The following SPOCK1 variants were observed in gnomAD, a reference collection of about 807,000 sequenced individuals.
SPOCK1 encodes SPARC (osteonectin), cwcv and kazal like domains proteoglycan 1, also known as testican-1.
A neutral mutation model predicts 55.3 loss-of-function variants in SPOCK1; 23 were observed. The observed-to-expected ratio is 0.42, with a 90% CI of 0.30 to 0.59. SPOCK1 has a LOEUF of 0.59. SPOCK1 is among the 20% of genes least tolerant of loss of function. SPOCK1 has a pLI of 0.22. For synonymous variants in SPOCK1, 226 were observed against 221.0 expected, an observed-to-expected ratio of 1.02 and a Z score of -0.20; for missense variants, 499 against 552.5, an observed-to-expected ratio of 0.90 and a Z score of 0.97.
chr5:136,995,124 G>A (rs893576974), intron 6 of SPOCK1, among the ~76,000 whole-genome samples: 6 of 152,176 alleles, frequency 3.9e-5, no homozygotes, highest in African/African-American at 1.4e-4. Context: ...TCTTCCCACC[G>A]CAGCAGGGTG....
chr5:137,010,863 C>T (rs2126974429), intron 6 of SPOCK1, among the ~76,000 whole-genome samples: 1 of 152,284 alleles, frequency 6.6e-6, no homozygotes, highest in Non-Finnish European at 1.5e-5. Flanking sequence ...CAGACCTTAG[C>T]TTAGCCTGGT....
At chr5:137,101,022 G>T (rs774937038) in intron 5 of SPOCK1, among the ~76,000 whole-genome samples, 30 of 152,128 alleles carry the variant, frequency 2.0e-4, no homozygotes, top group Admixed American at 5.2e-4. Context: ...ACAGGTCTCA[G>T]CCTAGGGCTT....
intron 3 of SPOCK1, among the ~76,000 whole-genome samples, chr5:137,143,698 C>T (rs1202419370): frequency 6.6e-6 from 1 of 152,140 alleles, no homozygotes; most frequent in African/African-American, 2.4e-5. Flanking sequence ...AGTAAATAAT[C>T]AGTTTTCATA....
intron 2 of SPOCK1, among the ~76,000 whole-genome samples, chr5:137,370,200 C>A (rs1453025235): frequency 6.6e-6 from 1 of 152,092 alleles, no homozygotes; most frequent in Non-Finnish European, 1.5e-5. Context: ...TCTGCCGAGC[C>A]AGAGCATGAC....
At chr5:137,238,367 C>A (rs1449489054) in intron 3 of SPOCK1, among the ~76,000 whole-genome samples, 1 of 152,204 alleles carries the variant, frequency 6.6e-6, no homozygotes, top group Non-Finnish European at 1.5e-5. Context: ...TTATGCTAAA[C>A]ATGCTCCTTA....
intron 2 of SPOCK1, among the ~76,000 whole-genome samples, chr5:137,380,392 A>G (rs989307888): frequency 1.3e-5 from 2 of 152,244 alleles, no homozygotes; most frequent in Non-Finnish European, 2.9e-5. Flanking sequence ...GTGTGTATCT[A>G]ATGTATGAGT....
chr5:137,003,381 A>G (rs781692846), intron 6 of SPOCK1, among the ~76,000 whole-genome samples: 11 of 152,236 alleles, frequency 7.2e-5, no homozygotes, highest in Non-Finnish European at 1.6e-4. Context: ...CCTGGGTGAC[A>G]GAATGAGACT....
At position 136,992,527 on chromosome 5, in the gene SPOCK1, C is replaced by G. The variant is rs771665370; in HGVS notation, c.663G>C (p.Ala221=). 2 of 1,613,744 alleles carry G rather than the reference C, an allele frequency of 1.2e-6. No individual in the cohort carries two copies. The highest frequency in any genetic ancestry group is 2.2e-5 in the South Asian group (2 of 91,050). Residue 221 remains alanine, a synonymous_variant, in exon 7 of 11, where the codon GCG becomes GCC. Coordinates refer to ENST00000394945, the MANE Select transcript of SPOCK1 (RefSeq NM_004598.4). The part of the protein sequence containing the change: ...KDWFGALHED[A]NRVIKPTSSN... ...AGCTGGTGGGCTTGATGACTCTGTT[C>G]GCATCCTCGTGGAGAGCTCCAAACC...
intron 2 of SPOCK1, among the ~76,000 whole-genome samples, chr5:137,338,308 G>A (rs1214782765): frequency 1.3e-5 from 2 of 151,936 alleles, no homozygotes; most frequent in Non-Finnish European, 2.9e-5. Flanking sequence ...TGAGAATGAT[G>A]GTTTCCAGCT....
At chr5:137,210,131 G>A (rs1212010683) in intron 3 of SPOCK1, among the ~76,000 whole-genome samples, 1 of 152,166 alleles carries the variant, frequency 6.6e-6, no homozygotes, top group Non-Finnish European at 1.5e-5. Context: ...TAGGACAATT[G>A]AGCAAAGTGA....
chr5:137,115,825 C>T (rs1753566596), intron 4 of SPOCK1, among the ~76,000 whole-genome samples: 2 of 152,104 alleles, frequency 1.3e-5, no homozygotes, highest in Admixed American at 1.3e-4. Context: ...GCATAACTTC[C>T]CTGGCTATTG....
At chr5:137,175,263 C>T (rs926437514) in intron 3 of SPOCK1, among the ~76,000 whole-genome samples, 2 of 152,056 alleles carry the variant, frequency 1.3e-5, no homozygotes, top group Admixed American at 1.3e-4. Context: ...GGTAGTAAAA[C>T]CATGTGATCA....
At chr5:137,436,537 A>AG (rs1325434440) in intron 2 of SPOCK1, among the ~76,000 whole-genome samples, 2 of 152,236 alleles carry the variant, frequency 1.3e-5, no homozygotes, top group African/African-American at 4.8e-5. Context: ...CTGGAAATGT[A>AG]AATCTCCTCT....
intron 4 of SPOCK1, among the ~76,000 whole-genome samples, chr5:137,118,733 A>C (rs1157601109): frequency 3.9e-5 from 6 of 152,202 alleles, no homozygotes; most frequent in African/African-American, 1.4e-4. Flanking sequence ...GCTGCTAAAA[A>C]CGTGTAGAAT....
chr5:137,236,413 C>A lies in SPOCK1; in HGVS notation c.232+30597G>T, dbSNP rs189678947. ...CCCAAGCATTATCAGGGTTAAGCTG[C>A]CAAGGAAGGAGGACAGAACACATGT... On this transcript the variant is annotated intron_variant, in intron 3 of 10. Coordinates refer to ENST00000394945, the MANE Select transcript of SPOCK1 (RefSeq NM_004598.4). 3.9e-5 allele frequency among the ~76,000 whole-genome samples: 6 copies of A among 152,312 alleles called. 1 individual carries two copies. Among genetic ancestry groups the A allele is most frequent in the Admixed American group, 3.3e-4 (5 of 15,304 alleles).
intron 2 of SPOCK1, among the ~76,000 whole-genome samples, chr5:137,319,817 C>G (rs923040280): frequency 6.6e-6 from 1 of 151,626 alleles, no homozygotes; most frequent in Non-Finnish European, 1.5e-5. Context: ...CGGTGGCGGG[C>G]GCCTGTAGTC....
intron 6 of SPOCK1, among the ~76,000 whole-genome samples, chr5:137,015,884 C>G (rs1223552559): frequency 6.6e-6 from 1 of 152,128 alleles, no homozygotes; most frequent in Non-Finnish European, 1.5e-5. Flanking sequence ...GGCTCTAGCA[C>G]CTAAGCACGT....
At chr5:137,340,894 AAAGG>A (rs1750406853) in intron 2 of SPOCK1, among the ~76,000 whole-genome samples, 1 of 152,030 alleles carries the variant, frequency 6.6e-6, no homozygotes, top group Non-Finnish European at 1.5e-5. Context: ...AAAAAAAAAA[AAAGG>A]AAGAAGATTG....
intron 3 of SPOCK1, among the ~76,000 whole-genome samples, chr5:137,178,225 G>C (rs1311879473): frequency 6.6e-6 from 1 of 152,180 alleles, no homozygotes; most frequent in Non-Finnish European, 1.5e-5. Flanking sequence ...TCTCCTGCTA[G>C]AATGTGAGTT....
Sources: gnomAD v4.1 joint callset for allele counts (sites outside exome capture counted in the v4.1 genomes callset) on GRCh38, gnomAD v4.1.1 for gene constraint, MANE v1.5 for transcripts, NCBI Gene and HGNC (gene_info 2026-07-23, HGNC 2026-07-21) for gene names.